The following AFG2A variants were observed in gnomAD, a reference collection of about 807,000 sequenced individuals.
AFG2A encodes the protein ATPase family gene 2 protein homolog A.
chr4:122,968,389 A>G, the AFG2A span, among the ~76,000 whole-genome samples: 7 of 152,212 alleles, frequency 4.6e-5, no homozygotes, highest in Admixed American at 1.3e-4. Context: ...CACTCAGATC[A>G]AGATACAGAG....
the AFG2A span, among the ~76,000 whole-genome samples, chr4:123,005,521 T>C: frequency 6.6e-6 from 1 of 152,170 alleles, no homozygotes; most frequent in Non-Finnish European, 1.5e-5. Context: ...TTTCTTTCCT[T>C]CTGTTTGCTT....
At chr4:123,015,661 G>T in the AFG2A span, among the ~76,000 whole-genome samples, 2 of 150,958 alleles carry the variant, frequency 1.3e-5, no homozygotes, top group African/African-American at 4.9e-5. Context: ...CCACAAAACC[G>T]CCATTGTCAT....
the AFG2A span, chr4:123,313,866 T>C: frequency 1.3e-6 from 2 of 1,536,610 alleles, no homozygotes; most frequent in Admixed American, 2.2e-5. Context: ...TCCTTTTATT[T>C]ACTTATTTTT....
the AFG2A span, among the ~76,000 whole-genome samples, chr4:123,215,975 C>T: frequency 1.3e-5 from 2 of 152,110 alleles, no homozygotes; most frequent in Admixed American, 1.3e-4. Context: ...TTGGTTTTAA[C>T]TATATGATCT....
At chr4:123,161,052 T>G in the AFG2A span, among the ~76,000 whole-genome samples, 2 of 152,216 alleles carry the variant, frequency 1.3e-5, no homozygotes, top group African/African-American at 4.8e-5. Flanking sequence ...AAACTGAGTC[T>G]AGGATGACTT....
the AFG2A span, among the ~76,000 whole-genome samples, chr4:122,949,748 A>C: frequency 6.6e-6 from 1 of 152,218 alleles, no homozygotes; most frequent in African/African-American, 2.4e-5. Context: ...AATGTGTTGC[A>C]GGAGGCCAGA....
At chr4:122,977,059 G>A in the AFG2A span, among the ~76,000 whole-genome samples, 1 of 152,080 alleles carries the variant, frequency 6.6e-6, no homozygotes, top group African/African-American at 2.4e-5. Flanking sequence ...TCCCCTACAA[G>A]GACAAAATGT....
chr4:123,242,249 GA>G, the AFG2A span, among the ~76,000 whole-genome samples: 1 of 152,128 alleles, frequency 6.6e-6, no homozygotes, highest in Admixed American at 6.5e-5. Context: ...CACAGAATTG[GA>G]AAAAACTACT....
the AFG2A span, among the ~76,000 whole-genome samples, chr4:123,260,363 G>T: frequency 1.3e-5 from 2 of 152,182 alleles, no homozygotes; most frequent in Middle Eastern, 3.4e-3. Flanking sequence ...TGTAGTCTAT[G>T]CCTTCCTGGG....
At chr4:123,161,228 AGTTTAT>A in the AFG2A span, among the ~76,000 whole-genome samples, 5 of 152,220 alleles carry the variant, frequency 3.3e-5, no homozygotes, top group Non-Finnish European at 7.3e-5. Context: ...CTAGCTATAA[AGTTTAT>A]GTTTATCATA....
the AFG2A span, among the ~76,000 whole-genome samples, chr4:122,942,189 A>G: frequency 6.7e-6 from 1 of 150,294 alleles, no homozygotes; most frequent in African/African-American, 2.5e-5. Context: ...TATTGATTGG[A>G]ATAGTTTCAG....
chr4:123,274,934 A>G, the AFG2A span, among the ~76,000 whole-genome samples: 1 of 152,142 alleles, frequency 6.6e-6, no homozygotes, highest in Non-Finnish European at 1.5e-5. Flanking sequence ...CTTATACACT[A>G]CATGATTCAG....
the AFG2A span, among the ~76,000 whole-genome samples, chr4:123,311,655 A>AAAAAG: frequency 6.9e-6 from 1 of 145,704 alleles, no homozygotes; most frequent in African/African-American, 2.6e-5. Context: ...AAAAAAAAAA[A>AAAAAG]AGAGAGAGAA....
At chr4:123,271,233 T>C in the AFG2A span, among the ~76,000 whole-genome samples, 1 of 152,194 alleles carries the variant, frequency 6.6e-6, no homozygotes, top group African/African-American at 2.4e-5. Context: ...ACATATAAAC[T>C]TCCCCCTTCA....
chr4:122,951,305 C>T, the AFG2A span, among the ~76,000 whole-genome samples: 2 of 152,068 alleles, frequency 1.3e-5, no homozygotes, highest in Non-Finnish European at 2.9e-5. Context: ...ACATAGGCTA[C>T]ATGCAAATAC....
the AFG2A span, among the ~76,000 whole-genome samples, chr4:123,055,651 G>A: frequency 6.6e-6 from 1 of 152,176 alleles, no homozygotes; most frequent in South Asian, 2.1e-4. Flanking sequence ...AATAGAATAT[G>A]AATCTTGTTC....
chr4:123,167,150 G>T, the AFG2A span, among the ~76,000 whole-genome samples: 2 of 149,322 alleles, frequency 1.3e-5, no homozygotes, highest in South Asian at 4.2e-4. Flanking sequence ...CAAACCAACT[G>T]GTTTCAGGGC....
the AFG2A span, among the ~76,000 whole-genome samples, chr4:123,301,073 G>A: frequency 2.5e-3 from 380 of 152,248 alleles, 1 homozygote; most frequent in African/African-American, 8.7e-3. Context: ...CTATAGAGCA[G>A]TGATTCCTAA....
the AFG2A span, among the ~76,000 whole-genome samples, chr4:123,278,524 A>G: frequency 4.6e-5 from 7 of 151,836 alleles, no homozygotes; most frequent in African/African-American, 1.7e-4. Flanking sequence ...TTGATACTCT[A>G]TTTCTTCTGG....
Sources: allele counts gnomAD v4.1 joint callset (sites outside exome capture counted in the v4.1 genomes callset), GRCh38; gene constraint gnomAD v4.1.1; transcripts MANE v1.5; gene names NCBI Gene and HGNC (gene_info 2026-07-23, HGNC 2026-07-21).